Variants in PER3 observed in about 807,000 individuals in gnomAD.
PER3 encodes period circadian regulator 3, also known as period circadian protein homolog 3.
A neutral mutation model predicts 127.2 loss-of-function variants in PER3; 107 were observed. That is an observed-to-expected ratio of 0.84 (90% CI 0.72 to 0.99). The LOEUF (loss-of-function observed/expected upper bound fraction) is 0.99, where lower values mean the gene tolerates loss of function less well. Among genes scored for constraint, PER3 ranks in the 50% least tolerant of loss-of-function variants. The pLI is 0.00. For missense variants in PER3, 1,560 were observed against 1,525.8 expected, an observed-to-expected ratio of 1.02 and a Z score of -0.37; for synonymous variants, 618 against 585.8, an observed-to-expected ratio of 1.05 and a Z score of -0.79.
At chr1:7,793,888 G>A in intron 5 of PER3, 69 bp from the exon 6 acceptor site, 2 of 1,274,006 alleles carry the variant, frequency 1.6e-6, no homozygotes, top group Non-Finnish European at 1.1e-6. Context: ...TTTGATAATG[G>A]TGCAACATTG....
intron 10 of PER3, 114 bp downstream of exon 10, chr1:7,803,962 T>C (rs1229673145): frequency 6.1e-6 from 5 of 824,802 alleles, no homozygotes; most frequent in African/African-American, 3.4e-5. Flanking sequence ...AAGCACAGAT[T>C]TGTTTTCGGT....
chr1:7,794,811 T>C (rs1180454316), intron 6 of PER3, among the ~76,000 whole-genome samples: 2 of 151,398 alleles, frequency 1.3e-5, no homozygotes. Context: ...ATTTTTTATC[T>C]TCTAAATTTG....
Position 7,827,741 on chromosome 1 carries a change from C to G in PER3, c.2812C>G (p.Leu938Val), listed in dbSNP as rs1306622615. Reference sequence around the variant, plus strand: ...CAGCTCACCCTTGCAGTTAAACTTACTTCAGGAAGAGATGCCCAGACCCTC... The same window carrying G: ...CAGCTCACCCTTGCAGTTAAACTTAGTTCAGGAAGAGATGCCCAGACCCTC... The part of the protein sequence containing the change: ...RSSSPLQLNL[L>V]QEEMPRPSES... The change falls in exon 18 of 22, where the codon CTT becomes GTT. Residue 938 changes from leucine to valine, a missense_variant. This residue lies in a region of PER3 where 1,332 missense variants were observed against 1,223.6 expected (regional missense o/e 1.09). Transcript: ENST00000377532. 4 of 1,614,068 alleles carry G rather than the reference C, an allele frequency of 2.5e-6. No individual in the cohort carries two copies. In the Admixed American group the frequency reaches 5.0e-5, roughly 20 times the overall value.
intron 8 of PER3, 48 bp from the exon 9 acceptor site, chr1:7,802,999 A>C (rs2097177054): frequency 1.0e-6 from 1 of 958,696 alleles, no homozygotes; most frequent in African/African-American, 1.6e-5. Flanking sequence ...AAAGTGTATA[A>C]GAATTACCTG....
chr1:7,806,433 T>C (rs1467428372), intron 10 of PER3, among the ~76,000 whole-genome samples: 3 of 152,138 alleles, frequency 2.0e-5, no homozygotes, highest in Non-Finnish European at 4.4e-5. Flanking sequence ...GCATTTTTGT[T>C]GCTGTTTCAT....
intron 3 of PER3, 92 bp downstream of exon 3, chr1:7,785,678 A>G: frequency 9.3e-7 from 1 of 1,075,360 alleles, no homozygotes; most frequent in South Asian, 1.5e-5. Context: ...CAGTCAGACA[A>G]ATAATTTGAG....
At position 7,820,484 on chromosome 1, in the gene PER3, G is replaced by A. The variant is rs1211631732; in HGVS notation, c.1801G>A (p.Ala601Thr). The A allele has an allele frequency of 1.2e-6, 2 of 1,612,242 alleles. No individual in the cohort carries two copies. The highest frequency in any genetic ancestry group is 4.5e-5 in the East Asian group (2 of 44,858). ...QALQAGLQIP[A>T]IPKSEMPTNG... ...ACCACCAGCTGGTTTGCAAATCCCAGCCATACCTAAATCAGAAATGCCAAC... is the reference window on the plus strand; with the variant it reads ...ACCACCAGCTGGTTTGCAAATCCCAACCATACCTAAATCAGAAATGCCAAC... The change falls in exon 16 of 22, where the codon GCC becomes ACC. Residue 601 changes from alanine (A) to threonine (T), a missense_variant. Transcript: ENST00000377532.
At chr1:7,796,572 C>T (rs1210285922) in intron 6 of PER3, among the ~76,000 whole-genome samples, 3 of 152,108 alleles carry the variant, frequency 2.0e-5, no homozygotes, top group Non-Finnish European at 4.4e-5. Flanking sequence ...TCCTCGGCCT[C>T]CCAAAGTGTT....
rs189735793 is a variant in PER3, at chr1:7,815,933, C to G, written c.1523-3352C>G. ...GCGTGAACCCAGGAGGTGGAACTTG[C>G]AGTGAGCCAAGATCCCACCACTGCA... is the stretch of plus-strand genomic sequence containing the variant. On this transcript the variant is annotated intron_variant, in intron 13 of 21. Transcript: ENST00000377532. 1.3e-4 allele frequency among the ~76,000 whole-genome samples: 17 copies of G among 129,674 alleles called. No homozygotes were observed. In the Admixed American group the frequency reaches 1.3e-3, roughly 10 times the overall value. 85.1% of individuals were successfully genotyped at this position (129,674 alleles called of 152,430 possible).
At chr1:7,835,123 A>C (rs1376514602) in intron 19 of PER3, among the ~76,000 whole-genome samples, 1 of 152,188 alleles carries the variant, frequency 6.6e-6, no homozygotes, top group Non-Finnish European at 1.5e-5. Context: ...AGAGGTTGAA[A>C]ATAGTCATTG....
chr1:7,827,766 C>CT lies in PER3; in HGVS notation c.2838dup (p.Glu947Ter). ...CTTCAGGAAGAGATGCCCAGACCCTCTGAATCTCCAGATCAGATGAGAAGG... is the reference window on the plus strand; with the variant it reads ...CTTCAGGAAGAGATGCCCAGACCCTCTTGAATCTCCAGATCAGATGAGAAGG... On this transcript the variant is annotated frameshift_variant, in exon 18 of 22. Coordinates refer to ENST00000377532, the MANE Select transcript of PER3 (RefSeq NM_001377275.1). LOFTEE classifies it high-confidence loss of function. 1 of 1,614,026 alleles carries CT rather than the reference C, an allele frequency of 6.2e-7. No homozygotes were observed. Among genetic ancestry groups the CT allele is most frequent in the Non-Finnish European group, 8.5e-7 (1 of 1,180,026 alleles).
intron 13 of PER3, among the ~76,000 whole-genome samples, chr1:7,814,681 A>G (rs1337631587): frequency 1.3e-5 from 2 of 152,204 alleles, no homozygotes; most frequent in Admixed American, 6.5e-5. Flanking sequence ...AATAAATTCT[A>G]TTTTTTAATT....
intron 19 of PER3, among the ~76,000 whole-genome samples, chr1:7,834,818 T>C (rs1457094966): frequency 6.6e-6 from 1 of 150,622 alleles, no homozygotes; most frequent in Non-Finnish European, 1.5e-5. Context: ...TACTTAGTTT[T>C]TTAAAAAAAA....
In PER3 at chr1:7,835,731, T is replaced by C. The variant is rs1396525042; in HGVS notation, c.3215-31T>C. The C allele has an allele frequency of 2.6e-6, 4 of 1,529,540 alleles. No individual in the cohort carries two copies. In the African/African-American group the frequency reaches 5.5e-5, roughly 21 times the overall value. 94.7% of individuals were successfully genotyped at this position (1,529,540 alleles called of 1,614,324 possible). On this transcript the variant is annotated intron_variant, in intron 19 of 21. Coordinates refer to ENST00000377532, the MANE Select transcript of PER3 (RefSeq NM_001377275.1). ...TTTGGCAAATCAGTCGGACAGGTCT[T>C]TTCTAATTATGTGTTGTTGATTTTT... is the stretch of plus-strand genomic sequence containing the variant.
chr1:7,804,018 A>T (rs2097181993), intron 10 of PER3, 170 bp downstream of exon 10: 2 of 520,308 alleles, frequency 3.8e-6, no homozygotes, highest in Non-Finnish European at 6.8e-6. Context: ...GCCTTAAAAG[A>T]AGTCATAATA....
intron 19 of PER3, among the ~76,000 whole-genome samples, chr1:7,831,563 C>T (rs115048829): frequency 8.5e-5 from 13 of 152,196 alleles, no homozygotes; most frequent in African/African-American, 9.6e-5. Flanking sequence ...CCATTAAGTA[C>T]GATGTTAAGT....
intron 7 of PER3, among the ~76,000 whole-genome samples, chr1:7,800,687 TGTG>T (rs2097166765): frequency 6.6e-6 from 1 of 151,942 alleles, no homozygotes; most frequent in Admixed American, 6.6e-5. Flanking sequence ...ATGAGCCAGG[TGTG>T]GTGGCAGGCG....
chr1:7,829,805 G>A, intron 18 of PER3, 29 bp from the exon 19 acceptor site: 14 of 1,551,478 alleles, frequency 9.0e-6, no homozygotes, highest in Non-Finnish European at 1.2e-5. Flanking sequence ...GAAGATTAAA[G>A]TGTCTTTTCA....
At chr1:7,792,864 G>T (rs2097128289) in intron 5 of PER3, among the ~76,000 whole-genome samples, 1 of 152,210 alleles carries the variant, frequency 6.6e-6, no homozygotes, top group African/African-American at 2.4e-5. Flanking sequence ...TGCTGTCTTA[G>T]ATCACGTAGT....
Sources: allele counts gnomAD v4.1 joint callset (sites outside exome capture counted in the v4.1 genomes callset), GRCh38; gene constraint gnomAD v4.1.1; regional missense constraint gnomAD v4.1.1; transcripts MANE v1.5; gene names NCBI Gene and HGNC (gene_info 2026-07-23, HGNC 2026-07-21).